Variants in CHN2 observed in about 807,000 individuals in gnomAD.
CHN2 encodes the protein chimerin 2, also known as beta-chimaerin.
CHN2 carries 35 observed loss-of-function variants against 56.3 expected under a neutral mutation model. The observed-to-expected ratio is 0.62, with a 90% CI of 0.47 to 0.82. The LOEUF (loss-of-function observed/expected upper bound fraction) is 0.82, where lower values mean the gene tolerates loss of function less well. CHN2 is among the 40% of genes least tolerant of loss of function. The pLI is 0.00. For missense variants in CHN2, 491 were observed against 580.5 expected (o/e 0.85, Z 1.58); for synonymous variants, 210 against 212.8 (o/e 0.99, Z 0.12).
chr7:29,378,062 T>G (rs963928859), intron 3 of CHN2, among the ~76,000 whole-genome samples: 54 of 152,246 alleles, frequency 3.5e-4, no homozygotes, highest in African/African-American at 1.3e-3. Flanking sequence ...GTTGTCCTTT[T>G]GCTCTGTCAT....
chr7:29,265,763 G>A (rs773413390), intron 1 of CHN2, among the ~76,000 whole-genome samples: 2 of 152,218 alleles, frequency 1.3e-5, no homozygotes, highest in Admixed American at 6.5e-5. Context: ...AGCTGAGGAG[G>A]AAAGGCTGTT....
chr7:29,327,024 A>C (rs1244288382), intron 1 of CHN2, among the ~76,000 whole-genome samples: 2 of 152,164 alleles, frequency 1.3e-5, no homozygotes, highest in Non-Finnish European at 2.9e-5. Context: ...TATATCTGAG[A>C]ACCAAGGCTA....
chr7:29,206,119 G>A (rs1784501620), intron 1 of CHN2, among the ~76,000 whole-genome samples: 1 of 152,102 alleles, frequency 6.6e-6, no homozygotes, highest in Non-Finnish European at 1.5e-5. Flanking sequence ...TTCACTGCTG[G>A]ATCTCCAGTG....
At chr7:29,467,708 T>A (rs1283826567) in intron 6 of CHN2, among the ~76,000 whole-genome samples, 5 of 152,186 alleles carry the variant, frequency 3.3e-5, no homozygotes, top group Non-Finnish European at 7.3e-5. Flanking sequence ...TAGCTTGCTC[T>A]GGGTTCAATT....
chr7:29,406,322 C>G (rs1363594587), intron 6 of CHN2, among the ~76,000 whole-genome samples: 1 of 152,144 alleles, frequency 6.6e-6, no homozygotes, highest in Non-Finnish European at 1.5e-5. Flanking sequence ...AGCTGATCAC[C>G]TTCTCAGGAG....
chr7:29,381,453 A>G (rs555393726), intron 3 of CHN2, among the ~76,000 whole-genome samples: 31 of 152,266 alleles, frequency 2.0e-4, no homozygotes, highest in Middle Eastern at 3.4e-3. Context: ...GCCAAAGAAG[A>G]TGTAGCAAAG....
chr7:29,379,275 C>G (rs543109371), intron 3 of CHN2, among the ~76,000 whole-genome samples: 6 of 152,288 alleles, frequency 3.9e-5, no homozygotes, highest in East Asian at 1.9e-4. Context: ...GAGATGGAAG[C>G]CTGTTAGCAA....
At chr7:29,437,336 C>T (rs1783302252) in intron 6 of CHN2, among the ~76,000 whole-genome samples, 1 of 84,638 alleles carries the variant, frequency 1.2e-5, no homozygotes, top group South Asian at 3.0e-4. Flanking sequence ...CGGTGGCTCA[C>T]GCCTGTAATC....
chr7:29,419,769 A>C (rs1804143585), intron 6 of CHN2, among the ~76,000 whole-genome samples: 1 of 152,206 alleles, frequency 6.6e-6, no homozygotes, highest in African/African-American at 2.4e-5. Context: ...AGGAAATGCA[A>C]ATGAAAACCA....
intron 6 of CHN2, among the ~76,000 whole-genome samples, chr7:29,435,165 C>T (rs1783129725): frequency 6.6e-6 from 1 of 152,076 alleles, no homozygotes; most frequent in East Asian, 1.9e-4. Flanking sequence ...AAATAGAAGC[C>T]AGTAAACATA....
intron 6 of CHN2, among the ~76,000 whole-genome samples, chr7:29,446,740 A>G (rs768675551): frequency 5.3e-5 from 8 of 152,240 alleles, no homozygotes; most frequent in Admixed American, 2.6e-4. Context: ...TAGTGCATGC[A>G]TGTAACAAAA....
chr7:29,302,500 CTTTTTTTT>C (rs70980525), intron 1 of CHN2, among the ~76,000 whole-genome samples: 1 of 117,818 alleles, frequency 8.5e-6, no homozygotes, highest in African/African-American at 3.4e-5. Flanking sequence ...AATTTTAATT[CTTTTTTTT>C]TTTTTTTTTT....
intron 1 of CHN2, among the ~76,000 whole-genome samples, chr7:29,287,324 T>C (rs1436883498): frequency 6.6e-6 from 1 of 151,968 alleles, no homozygotes; most frequent in African/African-American, 2.4e-5. Flanking sequence ...AAAGTGGAGA[T>C]GGGAGATGGA....
At chr7:29,332,547 A>T (rs1796307504) in intron 1 of CHN2, among the ~76,000 whole-genome samples, 1 of 151,248 alleles carries the variant, frequency 6.6e-6, no homozygotes, top group African/African-American at 2.4e-5. Flanking sequence ...GGGCAGTGGC[A>T]GTAAGCCACA....
At chr7:29,372,503 C>T (rs923207259) in intron 3 of CHN2, among the ~76,000 whole-genome samples, 2 of 152,056 alleles carry the variant, frequency 1.3e-5, no homozygotes, top group African/African-American at 4.8e-5. Flanking sequence ...GAGAATACAA[C>T]CTCCAGAGAC....
At chr7:29,331,184 C>T (rs1001854160) in intron 1 of CHN2, among the ~76,000 whole-genome samples, 1 of 152,198 alleles carries the variant, frequency 6.6e-6, no homozygotes, top group African/African-American at 2.4e-5. Flanking sequence ...TGACGGAGGA[C>T]ATCTGTCAAG....
intron 1 of CHN2, among the ~76,000 whole-genome samples, chr7:29,327,549 A>G (rs547038036): frequency 2.2e-4 from 34 of 152,146 alleles, no homozygotes; most frequent in Non-Finnish European, 4.4e-4. Context: ...CTTGGACTGG[A>G]GACTCTAAGT....
At chr7:29,190,246 C>T (rs1782719237), upstream of CHN2, among the ~76,000 whole-genome samples, 5 of 152,220 alleles carry the variant, frequency 3.3e-5, no homozygotes, top group Admixed American at 3.3e-4. Context: ...AAAAGGACCA[C>T]TTTCAGGGTA....
chr7:29,420,873 C>T (rs1041454527), intron 6 of CHN2, among the ~76,000 whole-genome samples: 1 of 151,458 alleles, frequency 6.6e-6, no homozygotes, highest in Non-Finnish European at 1.5e-5. Flanking sequence ...ACAGTGGTGC[C>T]ATCTTGGCTC....
Sources: gnomAD v4.1 joint callset for allele counts (sites outside exome capture counted in the v4.1 genomes callset) on GRCh38, gnomAD v4.1.1 for gene constraint, MANE v1.5 for transcripts, NCBI Gene and HGNC (gene_info 2026-07-23, HGNC 2026-07-21) for gene names.